MID1: variants seen among roughly 807,000 people sequenced by gnomAD.
MID1 encodes the protein midline 1.
MID1 carries 7 observed loss-of-function variants against 40.4 expected under a neutral mutation model. The observed-to-expected ratio is 0.17, with a 90% confidence interval of 0.10 to 0.33. The LOEUF (loss-of-function observed/expected upper bound fraction) is 0.33. MID1 is among the 10% of genes least tolerant of loss of function. The pLI is 1.00. For synonymous variants in MID1, 229 were observed against 221.2 expected, an observed-to-expected ratio of 1.04 and a Z score of -0.31; for missense variants, 367 against 558.5, an observed-to-expected ratio of 0.66 and a Z score of 3.46.
intron 2 of MID1, among the ~76,000 whole-genome samples, chrX:10,552,875 G>GT (rs1295102416): frequency 9.0e-6 from 1 of 111,106 alleles, no homozygotes; most frequent in African/African-American, 3.3e-5. Context: ...AGTTAGTTTT[G>GT]TTTTTTTTCC....
intron 1 of MID1, among the ~76,000 whole-genome samples, chrX:10,819,007 T>C (rs1005165513): frequency 4.5e-5 from 5 of 111,979 alleles, no homozygotes; most frequent in Admixed American, 9.5e-5. Flanking sequence ...CCATGGCAAA[T>C]TGAGGGGTGT....
At chrX:10,721,872 C>T (rs756282377) in intron 1 of MID1, among the ~76,000 whole-genome samples, 3 of 110,442 alleles carry the variant, frequency 2.7e-5, no homozygotes, top group Non-Finnish European at 5.7e-5. Context: ...AGTTTAAGAC[C>T]AGGCTGGGCA....
intron 2 of MID1, chrX:10,565,423 T>C (rs1487714196): frequency 1.7e-4 from 57 of 329,732 alleles, no homozygotes; most frequent in Admixed American, 1.7e-3. Context: ...TGTCACAGAA[T>C]AAACTATGTG....
At chrX:10,737,465 G>A (rs751662193) in intron 1 of MID1, among the ~76,000 whole-genome samples, 7 of 112,574 alleles carry the variant, frequency 6.2e-5, no homozygotes, top group East Asian at 2.8e-4. Context: ...GAAACATGCC[G>A]GCCGCGGCCA....
intron 1 of MID1, among the ~76,000 whole-genome samples, chrX:10,802,468 A>G (rs978763654): frequency 4.2e-4 from 47 of 111,945 alleles, no homozygotes; most frequent in African/African-American, 1.5e-3. Flanking sequence ...CCACAATAAG[A>G]TATCATCTCA....
intron 1 of MID1, among the ~76,000 whole-genome samples, chrX:10,641,851 G>C (rs1198160323): frequency 9.0e-6 from 1 of 111,618 alleles, no homozygotes; most frequent in Non-Finnish European, 1.9e-5. Context: ...GGGATGCAAG[G>C]CTGGTTCAAC....
chrX:10,482,450 C>T (rs890429282), intron 5 of MID1, 30 bp downstream of exon 5: 5 of 1,202,799 alleles, frequency 4.2e-6, no homozygotes, highest in African/African-American at 3.5e-5. Flanking sequence ...GCCCAGCAGC[C>T]GAGAAATTCC....
chrX:10,527,795 C>T (rs909968152), intron 2 of MID1, among the ~76,000 whole-genome samples: 9 of 111,639 alleles, frequency 8.1e-5, no homozygotes, highest in Admixed American at 1.9e-4. Flanking sequence ...TCCCACAGGG[C>T]GCAATTGGGA....
chrX:10,454,680 T>C (rs1394069744), intron 9 of MID1, among the ~76,000 whole-genome samples, 190 bp downstream of exon 9: 1 of 111,881 alleles, frequency 8.9e-6, no homozygotes, highest in African/African-American at 3.3e-5. Flanking sequence ...GTATTAGTAA[T>C]ATATGGTTGT....
At chrX:10,508,328 T>C (rs1265916740) in intron 3 of MID1, among the ~76,000 whole-genome samples, 1 of 112,755 alleles carries the variant, frequency 8.9e-6, no homozygotes, top group African/African-American at 3.2e-5. Flanking sequence ...GCTGTGAATA[T>C]GAAATGCATA....
At chrX:10,526,900 A>T (rs1932844977) in intron 2 of MID1, among the ~76,000 whole-genome samples, 1 of 111,555 alleles carries the variant, frequency 9.0e-6, no homozygotes, top group Non-Finnish European at 1.9e-5. Flanking sequence ...GGGGCTGACA[A>T]CACCTTTGAA....
chrX:10,652,723 C>G (rs1936329419), intron 1 of MID1, among the ~76,000 whole-genome samples: 1 of 111,734 alleles, frequency 8.9e-6, no homozygotes, highest in African/African-American at 3.3e-5. Flanking sequence ...CACTCTGAGG[C>G]CCCGTCAGTT....
chrX:10,711,657 A>T (rs528009690), intron 1 of MID1, among the ~76,000 whole-genome samples: 1 of 112,576 alleles, frequency 8.9e-6, no homozygotes, highest in African/African-American at 3.2e-5. Context: ...TATTAGGATC[A>T]TCAAGTTGAT....
In MID1 at chrX:10,695,172, G is replaced by A. The variant is rs191031335; in HGVS notation, c.-186-74753C>T. Among the ~76,000 whole-genome samples, 516 of 111,402 alleles carry A rather than the reference G, an allele frequency of 4.6e-3. 5 individuals are homozygous for A. The highest frequency in any genetic ancestry group is 0.016 in the African/African-American group (498 of 30,646). ...CAGGTTCTCATTCTCTTGCCCAGGC[G>A]GCAGTGCAGTGGTGCAGTCATGGTT... On this transcript the variant is annotated intron_variant, in intron 1 of 10. Coordinates refer to the MID1 transcript ENST00000380785.
At chrX:10,566,502 T>TCTCTCTCTCTCTCTCTCTCC (rs1569107566) in intron 2 of MID1, among the ~76,000 whole-genome samples, 2 of 90,114 alleles carry the variant, frequency 2.2e-5, no homozygotes, top group African/African-American at 9.9e-5. Flanking sequence ...TGTCATTCTC[T>TCTCTCTCTCTCTCTCTCTCC]CTCTCTCTCC....
rs564628462 is a variant in MID1, at chrX:10,450,915, T to C, written c.1656-1199A>G. ...TCACAGTTGAACTTTTAATATGTTATAGCAGAAACCAGTCTAATTGGATAT... is the reference window on the plus strand; with the variant it reads ...TCACAGTTGAACTTTTAATATGTTACAGCAGAAACCAGTCTAATTGGATAT... On this transcript the variant is annotated intron_variant, in intron 9 of 9. Coordinates refer to ENST00000317552, the MANE Select transcript of MID1 (RefSeq NM_000381.4). Among the ~76,000 whole-genome samples, 33 of 112,219 alleles carry C rather than the reference T, an allele frequency of 2.9e-4. 2 individuals are homozygous for C. The South Asian group carries it at 0.01, about 34-fold the overall frequency.
chrX:10,717,256 G>A (rs1398911319), intron 1 of MID1, among the ~76,000 whole-genome samples: 3 of 110,021 alleles, frequency 2.7e-5, no homozygotes, highest in Non-Finnish European at 5.7e-5. Flanking sequence ...TGGCAAATTC[G>A]ATAAAGAGTC....
intron 1 of MID1, among the ~76,000 whole-genome samples, chrX:10,727,085 C>T (rs1393729576): frequency 1.8e-5 from 2 of 110,211 alleles, no homozygotes; most frequent in East Asian, 5.6e-4. Flanking sequence ...AAGACCCATG[C>T]TGTTTCTATC....
chrX:10,761,682 G>A, intron 1 of MID1, among the ~76,000 whole-genome samples: 2 of 112,318 alleles, frequency 1.8e-5, no homozygotes, highest in South Asian at 7.4e-4. Flanking sequence ...GGATGACAAG[G>A]ACTTAGAGTA....
Sources: gnomAD v4.1 joint callset for allele counts (sites outside exome capture counted in the v4.1 genomes callset) on GRCh38, gnomAD v4.1.1 for gene constraint, MANE v1.5 for transcripts, NCBI Gene and HGNC (gene_info 2026-07-23, HGNC 2026-07-21) for gene names.